NR3C1: variants seen among roughly 807,000 people sequenced by gnomAD.
The protein encoded by NR3C1 is glucocorticoid receptor.
A neutral mutation model predicts 74.0 loss-of-function variants in NR3C1; 14 were observed. The ratio of observed to expected loss-of-function variants is 0.19; its 90% confidence interval spans 0.12 to 0.30. NR3C1 has a LOEUF of 0.30. Among genes scored for constraint, NR3C1 ranks in the 10% least tolerant of loss-of-function variants. The probability of loss-of-function intolerance (pLI) is 1.00; values close to 1 mark genes in which losing one functional copy is unlikely to be tolerated. For missense variants in NR3C1, 695 were observed against 909.8 expected (o/e 0.76, Z 3.04); for synonymous variants, 308 against 332.5 (o/e 0.93, Z 0.80).
In NR3C1 at chr5:143,298,650, GAC is replaced by G. The variant is rs751252298; in HGVS notation, c.1892+16_1892+17del. 2 of 1,610,814 alleles carry G rather than the reference GAC, an allele frequency of 1.2e-6. No individual in the cohort carries two copies. Among genetic ancestry groups the G allele is most frequent in the East Asian group, 4.5e-5 (2 of 44,810 alleles). On this transcript the variant is annotated intron_variant, in intron 6 of 8. Coordinates refer to ENST00000394464, the MANE Select transcript of NR3C1 (RefSeq NM_000176.3). Reference sequence around the variant, plus strand: ...GATACCCTATGAATACAGGGAAAATGACACACATACAACTTACTCATTAATAA... The same window carrying G: ...GATACCCTATGAATACAGGGAAAATGACACATACAACTTACTCATTAATAA...
At position 143,295,000 on chromosome 5, in the gene NR3C1, T is replaced by C. The variant is rs532574883; in HGVS notation, c.2023+460A>G. ...CTCTGACAATCCAGCTCCCATGCTA[T>C]GTTAACCAATCCCCAATAGTAATTA... On this transcript the variant is annotated intron_variant, in intron 7 of 8. Coordinates refer to ENST00000394464, the MANE Select transcript of NR3C1 (RefSeq NM_000176.3). The C allele has an allele frequency of 7.1e-6, 7 of 985,468 alleles. No individual in the cohort carries two copies. The African/African-American group carries it at 8.7e-5, about 12-fold the overall frequency. The allele number at this position is 985,468 out of a possible 1,614,324, so 61.0% of individuals were successfully genotyped here. A position where few individuals can be genotyped will look rare whatever the true frequency, so the allele number is the denominator to read the frequency against.
rs1166767595 is a variant in NR3C1 at position 143,281,315 on chromosome 5, TTATG to T, written c.*570_*573del. 1.3e-5 allele frequency: 2 copies of T among 153,616 alleles called. No individual in the cohort carries two copies. Among genetic ancestry groups the T allele is most frequent in the African/African-American group, 2.4e-5 (1 of 41,408 alleles). The allele number at this position is 153,616 out of a possible 1,614,324, so 9.5% of individuals were successfully genotyped here. A position where few individuals can be genotyped will look rare whatever the true frequency, so the allele number is the denominator to read the frequency against. On this transcript the variant is annotated 3_prime_UTR_variant, in exon 9 of 9. Transcript: ENST00000394464. The stretch of plus-strand genomic sequence containing the variant: ...GCTGTACAATAACTTGAATAAAAAA[TTATG>T]TAAGAAAAAATGAGCAAGCGTAGTT...
At position 143,300,619 on chromosome 5, in the gene NR3C1, A is replaced by T; in HGVS notation, c.1613T>A (p.Val538Asp). 6.2e-7 allele frequency: 1 copy of T among 1,614,164 alleles called. No individual in the cohort carries two copies. Among genetic ancestry groups the T allele is most frequent in the Non-Finnish European group, 8.5e-7 (1 of 1,180,002 alleles). Residue 538 changes from valine to aspartate, a missense_variant, in exon 5 of 9, where the codon GTT (valine) becomes GAT (aspartate). Transcript: ENST00000394464. The surrounding 1 kb of genome is among the most constrained non-coding windows in gnomAD (Gnocchi z 5.2). ...TGCATATAACACTTCAGGTTCAATA[A>T]CCTCCAACAGTGACACCAGGGTAGG... ...LTPTLVSLLEVIEPEVLYAGY... is the reference protein window; with the variant it reads ...LTPTLVSLLEDIEPEVLYAGY...
chr5:143,313,014 C>CA (rs1821304764), intron 3 of NR3C1, among the ~76,000 whole-genome samples: 1 of 152,032 alleles, frequency 6.6e-6, no homozygotes, highest in African/African-American at 2.4e-5. Flanking sequence ...AAAAGTAAAA[C>CA]AAAAGAAAAT....
At chr5:143,315,953 G>A (rs1002120932) in intron 2 of NR3C1, among the ~76,000 whole-genome samples, 2 of 152,140 alleles carry the variant, frequency 1.3e-5, no homozygotes, top group African/African-American at 4.8e-5. Flanking sequence ...CCCTAATTCT[G>A]GGAAAAGGCC....
chr5:143,382,509 G>T (rs1360184511), intron 2 of NR3C1, among the ~76,000 whole-genome samples: 1 of 152,150 alleles, frequency 6.6e-6, no homozygotes, highest in African/African-American at 2.4e-5. Flanking sequence ...ATAACTTCAG[G>T]AGTGCTTTTT....
chr5:143,410,650 C>T (rs1841259997), intron 1 of NR3C1, among the ~76,000 whole-genome samples: 1 of 152,124 alleles, frequency 6.6e-6, no homozygotes, highest in South Asian at 2.1e-4. Context: ...ATGATATCTA[C>T]CCCACCTATC....
intron 2 of NR3C1, among the ~76,000 whole-genome samples, chr5:143,335,675 G>C (rs535062906): frequency 1.3e-5 from 2 of 152,162 alleles, no homozygotes; most frequent in East Asian, 1.9e-4. Flanking sequence ...CTATTCATCT[G>C]TATACTTCAC....
chr5:143,301,037 T>C (rs140063583), intron 4 of NR3C1, among the ~76,000 whole-genome samples: 1,584 of 152,286 alleles, frequency 0.01, 22 homozygotes, highest in African/African-American at 0.036. Flanking sequence ...TATAACGGTA[T>C]GTTAAAACAA....
At chr5:143,373,865 A>T (rs1359952022) in intron 2 of NR3C1, among the ~76,000 whole-genome samples, 1 of 152,194 alleles carries the variant, frequency 6.6e-6, no homozygotes. Flanking sequence ...TGGTAGGTAC[A>T]AAGAGGTGTT....
At chr5:143,343,566 T>G (rs1042279864) in intron 2 of NR3C1, among the ~76,000 whole-genome samples, 2 of 152,220 alleles carry the variant, frequency 1.3e-5, no homozygotes, top group African/African-American at 4.8e-5. Flanking sequence ...CTGCACAATT[T>G]CATATAACTA....
intron 2 of NR3C1, among the ~76,000 whole-genome samples, chr5:143,376,753 G>A (rs1024421070): frequency 8.5e-5 from 13 of 152,306 alleles, no homozygotes; most frequent in Non-Finnish European, 1.6e-4. Context: ...AGCAGGGAGG[G>A]AAGATGATGT....
In NR3C1 at chr5:143,279,177, A is replaced by G; in HGVS notation, c.*2712T>C. The G allele has an allele frequency of 1.6e-6, 1 of 639,402 alleles. No homozygotes were observed. Among genetic ancestry groups the G allele is most frequent in the Non-Finnish European group, 2.5e-6 (1 of 392,436 alleles). 39.6% of individuals were successfully genotyped at this position (639,402 alleles called of 1,614,324 possible). ...ATAGCACTTAAATCCACAATTAAAC[A>G]TAATTAAGATGACTTTCTTTTCCCC... On this transcript the variant is annotated 3_prime_UTR_variant, in exon 9 of 9. Coordinates refer to ENST00000394464, the MANE Select transcript of NR3C1 (RefSeq NM_000176.3).
At chr5:143,398,825 TCAGA>T (rs1839726354) in intron 2 of NR3C1, among the ~76,000 whole-genome samples, 1 of 152,074 alleles carries the variant, frequency 6.6e-6, no homozygotes, top group Admixed American at 6.5e-5. Context: ...CCTTTTTGGG[TCAGA>T]CAAAAATATC....
chr5:143,303,905 T>C (rs553805128), intron 4 of NR3C1, among the ~76,000 whole-genome samples: 9 of 152,234 alleles, frequency 5.9e-5, no homozygotes, highest in East Asian at 1.9e-4. Flanking sequence ...AAACTAGGTA[T>C]TGAAGGAACA....
intron 4 of NR3C1, among the ~76,000 whole-genome samples, chr5:143,306,874 A>ATTTTTTTTTTTTTTTTTTTT (rs70991802): frequency 1.2e-5 from 1 of 82,870 alleles, no homozygotes; most frequent in Admixed American, 1.6e-4. Flanking sequence ...GTATGCTTAA[A>ATTTTTTTTTTTTTTTTTTTT]TTTTTTTTTT....
intron 2 of NR3C1, among the ~76,000 whole-genome samples, chr5:143,371,742 G>T (rs1057269336): frequency 1.3e-5 from 2 of 152,204 alleles, no homozygotes; most frequent in African/African-American, 2.4e-5. Context: ...ATTGTTAAAT[G>T]GGATCACAAA....
chr5:143,309,968 T>C, intron 4 of NR3C1, 129 bp downstream of exon 4: 2 of 728,606 alleles, frequency 2.7e-6, no homozygotes, highest in Non-Finnish European at 4.8e-6. Flanking sequence ...AGTAACATTA[T>C]GCTAGTCAAG....
exon 1 of NR3C1, chr5:143,435,199 C>G (rs1431712916): frequency 1.0e-6 from 1 of 985,408 alleles, no homozygotes; most frequent in Non-Finnish European, 1.2e-6. Context: ...TTTTTCTTCT[C>G]TTACCCTCTT....
Sources: gnomAD v4.1 joint callset for allele counts (sites outside exome capture counted in the v4.1 genomes callset) on GRCh38, gnomAD v4.1.1 for gene constraint, Gnocchi (gnomAD v3.1) non-coding constraint, MANE v1.5 for transcripts, NCBI Gene and HGNC (gene_info 2026-07-23, HGNC 2026-07-21) for gene names.